Variants in SLC22A3 observed in about 807,000 individuals in gnomAD.
SLC22A3 encodes the protein EMT organic cation transporter 3.
Under a neutral mutation model 59.1 loss-of-function variants are expected in SLC22A3, and 51 were observed. The ratio of observed to expected loss-of-function variants is 0.86; its 90% CI spans 0.69 to 1.09. The LOEUF (loss-of-function observed/expected upper bound fraction) is 1.09. Ranked by LOEUF, SLC22A3 falls within the 50% of genes least tolerant of loss-of-function variation. The pLI is 0.00. For synonymous variants in SLC22A3, 325 were observed against 292.0 expected, an observed-to-expected ratio of 1.11 and a Z score of -1.15; for missense variants, 711 against 726.3, an observed-to-expected ratio of 0.98 and a Z score of 0.24.
intron 1 of SLC22A3, among the ~76,000 whole-genome samples, chr6:160,382,898 G>T (rs537917957): frequency 6.6e-6 from 1 of 152,232 alleles, no homozygotes; most frequent in East Asian, 1.9e-4. Context: ...TACAATAATT[G>T]AAATAACAAA....
chr6:160,408,977 C>A (rs188407677), intron 4 of SLC22A3, 56 bp downstream of exon 4: 5 of 1,411,136 alleles, frequency 3.5e-6, no homozygotes, highest in South Asian at 1.3e-5. Flanking sequence ...AATTAGACTC[C>A]AAACAGACAT....
chr6:160,450,501 A>G (rs1375015128), intron 10 of SLC22A3, among the ~76,000 whole-genome samples: 1 of 152,230 alleles, frequency 6.6e-6, no homozygotes, highest in African/African-American at 2.4e-5. Context: ...ATCAATTTGT[A>G]CAGTTAACAC....
intron 1 of SLC22A3, among the ~76,000 whole-genome samples, chr6:160,353,239 A>G (rs1402825326): frequency 2.6e-5 from 4 of 152,244 alleles, no homozygotes. Flanking sequence ...TGGACCTCAG[A>G]ACAAGGAAAA....
At chr6:160,435,710 G>A (rs1788312312) in intron 5 of SLC22A3, among the ~76,000 whole-genome samples, 1 of 152,134 alleles carries the variant, frequency 6.6e-6, no homozygotes, top group Non-Finnish European at 1.5e-5. Context: ...TTCAATCTGG[G>A]CCAAATCTGG....
chr6:160,386,101 T>TGCACCTTGA, intron 1 of SLC22A3, among the ~76,000 whole-genome samples: 1 of 152,212 alleles, frequency 6.6e-6, no homozygotes, highest in East Asian at 1.9e-4. Flanking sequence ...CAGAGCAGGG[T>TGCACCTTGA]GCACCTTGAG....
In SLC22A3 at chr6:160,392,780, G is replaced by A. The variant is rs543482210; in HGVS notation, c.430-5199G>A. 2.0e-5 allele frequency among the ~76,000 whole-genome samples: 3 copies of A among 152,194 alleles called. No individual in the cohort carries two copies. The East Asian group carries it at 5.8e-4, about 29-fold the overall frequency. ...TTTAGCCATTATTAGGCTCTGTTAT[G>A]GTACTGTGTGGTTGATTAAAAATGG... On this transcript the variant is annotated intron_variant, in intron 1 of 10. Coordinates refer to ENST00000275300, the MANE Select transcript of SLC22A3 (RefSeq NM_021977.4).
chr6:160,447,644 A>G (rs1326517888), intron 9 of SLC22A3, 75 bp from the exon 10 acceptor site: 5 of 1,247,236 alleles, frequency 4.0e-6, no homozygotes, highest in South Asian at 2.4e-5. Flanking sequence ...TGATGGCTTC[A>G]GAGTGAGCAG....
rs143468372 is a variant in SLC22A3, at chr6:160,443,732, G to T, written c.1500G>T (p.Leu500=). 6.2e-7 allele frequency: 1 copy of T among 1,605,430 alleles called. No homozygotes were observed. Among genetic ancestry groups the T allele is most frequent in the East Asian group, 2.2e-5 (1 of 44,794 alleles). The change falls in exon 9 of 11, where the codon CTG becomes CTT. Residue 500 remains leucine, a synonymous_variant. Transcript: ENST00000275300. ...RLAAVWLELP[L]IIFGILASIC... is the part of the protein sequence containing the mutation. ...CAGCCGTGTGGCTAGAACTACCTCT[G>T]ATCATCTTTGGTAAGAACTCATTTG...
At position 160,356,325 on chromosome 6, in the gene SLC22A3, A is replaced by T. The variant is rs115511418; in HGVS notation, c.429+7477A>T. Among the ~76,000 whole-genome samples, 938 of 152,334 alleles carry T rather than the reference A, an allele frequency of 6.2e-3. 7 individuals are homozygous for T. Among genetic ancestry groups the T allele is most frequent in the African/African-American group, 0.022 (909 of 41,578 alleles). ...CAGGCCTCCACTTTACTTGACTCCT[A>T]TCTGCTCATGGGGTCTGTGTCCGCA... On this transcript the variant is annotated intron_variant, in intron 1 of 10. Coordinates refer to ENST00000275300, the MANE Select transcript of SLC22A3 (RefSeq NM_021977.4).
chr6:160,410,682 G>C, intron 4 of SLC22A3, 47 bp from the exon 5 acceptor site: 1 of 1,198,896 alleles, frequency 8.3e-7, no homozygotes. Context: ...AGATTTTAGC[G>C]TTTGAAATTC....
chr6:160,450,187 T>C (rs915189077), intron 10 of SLC22A3, among the ~76,000 whole-genome samples: 18 of 152,172 alleles, frequency 1.2e-4, no homozygotes, highest in Admixed American at 1.0e-3. Context: ...TCAGTCCTTA[T>C]CTCAACCGCA....
At chr6:160,403,971 G>A (rs897036913) in intron 2 of SLC22A3, among the ~76,000 whole-genome samples, 3 of 151,880 alleles carry the variant, frequency 2.0e-5, no homozygotes, top group African/African-American at 4.8e-5. Flanking sequence ...ACTTAATGAC[G>A]ATAAACTGTA....
At chr6:160,353,105 C>A (rs1039118740) in intron 1 of SLC22A3, among the ~76,000 whole-genome samples, 1 of 152,190 alleles carries the variant, frequency 6.6e-6, no homozygotes, top group Non-Finnish European at 1.5e-5. Flanking sequence ...CTGCACCCAG[C>A]CTAATAGTTT....
intron 2 of SLC22A3, among the ~76,000 whole-genome samples, chr6:160,403,069 A>G (rs896268008): frequency 6.6e-5 from 10 of 151,690 alleles, no homozygotes; most frequent in African/African-American, 1.9e-4. Context: ...GAAACAGGAA[A>G]TCAAGGGAGA....
intron 8 of SLC22A3, among the ~76,000 whole-genome samples, chr6:160,443,225 T>C (rs973399733): frequency 2.6e-5 from 4 of 152,254 alleles, no homozygotes; most frequent in African/African-American, 7.2e-5. Flanking sequence ...TTTGACTGCA[T>C]TACATGCATT....
chr6:160,386,441 G>C (rs1786020137), intron 1 of SLC22A3, among the ~76,000 whole-genome samples: 1 of 152,224 alleles, frequency 6.6e-6, no homozygotes, highest in Non-Finnish European at 1.5e-5. Flanking sequence ...TTATCTTTAA[G>C]TCTTTTGTCC....
At position 160,436,876 on chromosome 6, in the gene SLC22A3, T is replaced by A. The variant is rs369338734; in HGVS notation, c.1072T>A (p.Trp358Arg). Reference protein sequence around the residue: ...RKCTLILMFAWFTSAVVYQGL... With the variant: ...RKCTLILMFARFTSAVVYQGL... ...ATGCACACTTATTCTTATGTTTGCTTGGTAAGTTTGACTTGTGATGGATTT... is the reference window on the plus strand; with the variant it reads ...ATGCACACTTATTCTTATGTTTGCTAGGTAAGTTTGACTTGTGATGGATTT... The change falls in exon 6 of 11, where the codon TGG (tryptophan) becomes AGG (arginine). Residue 358 changes from tryptophan (W) to arginine (R), a missense_variant and splice_region_variant. Physicochemically the swap from Trp to Arg is moderately radical, Grantham distance 101. Coordinates refer to ENST00000275300, the MANE Select transcript of SLC22A3 (RefSeq NM_021977.4). 6.2e-7 allele frequency: 1 copy of A among 1,613,590 alleles called. No individual in the cohort carries two copies. Among genetic ancestry groups the A allele is most frequent in the Non-Finnish European group, 8.5e-7 (1 of 1,179,624 alleles).
At chr6:160,357,369 A>G (rs1291669455) in intron 1 of SLC22A3, among the ~76,000 whole-genome samples, 1 of 152,198 alleles carries the variant, frequency 6.6e-6, no homozygotes, top group Non-Finnish European at 1.5e-5. Flanking sequence ...TACACACAGG[A>G]TGGCTCTGAT....
chr6:160,416,428 T>C (rs1787494680), intron 5 of SLC22A3, among the ~76,000 whole-genome samples: 1 of 152,064 alleles, frequency 6.6e-6, no homozygotes, highest in African/African-American at 2.4e-5. Flanking sequence ...GTTCTCAGCC[T>C]TTCAGCATTT....
Sources: gnomAD v4.1 joint callset for allele counts (sites outside exome capture counted in the v4.1 genomes callset) on GRCh38, gnomAD v4.1.1 for gene constraint, MANE v1.5 for transcripts, NCBI Gene and HGNC (gene_info 2026-07-23, HGNC 2026-07-21) for gene names.